CAMTA1: variants seen among roughly 807,000 people sequenced by gnomAD.
CAMTA1 encodes the protein calmodulin binding transcription activator 1.
A neutral mutation model predicts 170.9 loss-of-function variants in CAMTA1; 27 were observed. The observed-to-expected ratio is 0.16, with a 90% CI of 0.12 to 0.22. CAMTA1 has a LOEUF of 0.22. CAMTA1 is among the 10% of genes least tolerant of loss of function. The probability of loss-of-function intolerance (pLI) is 1.00; values close to 1 mark genes in which losing one functional copy is unlikely to be tolerated. For missense variants in CAMTA1, 1,619 were observed against 2,217.2 expected (o/e 0.73, Z 5.42); for synonymous variants, 833 against 891.5 (o/e 0.93, Z 1.17).
intron 6 of CAMTA1, among the ~76,000 whole-genome samples, chr1:7,573,781 CTTG>C (rs1239088079): frequency 2.0e-5 from 3 of 151,976 alleles, no homozygotes; most frequent in African/African-American, 4.8e-5. Flanking sequence ...TGGGTTTGTT[CTTG>C]TTGTTTTGAG....
Position 7,163,668 on chromosome 1 carries a change from G to A in CAMTA1, c.302+72297G>A, listed in dbSNP as rs149736728. ...GGCATTTTGGGAGTCCTAGAGAGATGGGGTCCTTGGGGAATGGCAGGTTTC... is the reference window on the plus strand; with the variant it reads ...GGCATTTTGGGAGTCCTAGAGAGATAGGGTCCTTGGGGAATGGCAGGTTTC... On this transcript the variant is annotated intron_variant, in intron 4 of 22. Coordinates refer to ENST00000303635, the MANE Select transcript of CAMTA1 (RefSeq NM_015215.4). Among the ~76,000 whole-genome samples, 75 of 152,300 alleles carry A rather than the reference G, an allele frequency of 4.9e-4. 2 individuals carry two copies. The highest frequency in any genetic ancestry group is 1.6e-3 in the African/African-American group (66 of 41,578).
chr1:7,368,294 C>T (rs992920398), intron 5 of CAMTA1, among the ~76,000 whole-genome samples: 1 of 136,694 alleles, frequency 7.3e-6, no homozygotes, highest in African/African-American at 2.8e-5. Context: ...GGGCACAGGC[C>T]CTGGGCACTC....
chr1:7,478,063 A>G (rs755974495), intron 6 of CAMTA1, among the ~76,000 whole-genome samples: 1 of 152,240 alleles, frequency 6.6e-6, no homozygotes, highest in Non-Finnish European at 1.5e-5. Flanking sequence ...CTGAATGGGA[A>G]GATGAATTGA....
At chr1:7,005,320 A>C (rs1401413433) in intron 3 of CAMTA1, among the ~76,000 whole-genome samples, 2 of 152,156 alleles carry the variant, frequency 1.3e-5, no homozygotes, top group Non-Finnish European at 2.9e-5. Context: ...GTGGCCATGC[A>C]AAGACTCCTG....
rs1553221696 is a variant in CAMTA1, at chr1:7,024,042, A to AAAAG, written c.235-67242_235-67239dup. Among the ~76,000 whole-genome samples, 34 of 150,364 alleles carry AAAAG rather than the reference A, an allele frequency of 2.3e-4. No homozygotes were observed. In the South Asian group the frequency reaches 3.2e-3, roughly 14 times the overall value. On this transcript the variant is annotated intron_variant, in intron 3 of 22. Coordinates refer to ENST00000303635, the MANE Select transcript of CAMTA1 (RefSeq NM_015215.4). ...AGACTCTGTCTCAAAAAAAAAAAAA[A>AAAAG]AAAGAAAGAAAGAAAGAAAGAAACA...
chr1:7,655,494 C>G (rs1413408013), intron 7 of CAMTA1, among the ~76,000 whole-genome samples: 1 of 145,510 alleles, frequency 6.9e-6, no homozygotes, highest in Non-Finnish European at 1.5e-5. Flanking sequence ...CACACCTATA[C>G]AACACACATA....
At chr1:7,188,260 T>C (rs1448737372) in intron 4 of CAMTA1, among the ~76,000 whole-genome samples, 1 of 152,142 alleles carries the variant, frequency 6.6e-6, no homozygotes, top group Admixed American at 6.5e-5. Flanking sequence ...AGCCTAACCA[T>C]ATCAGGGCCC....
chr1:6,975,885 A>G (rs751979486), intron 3 of CAMTA1, among the ~76,000 whole-genome samples: 1 of 152,162 alleles, frequency 6.6e-6, no homozygotes, highest in Non-Finnish European at 1.5e-5. Context: ...TAGACATTTC[A>G]TGTAAACAGG....
intron 5 of CAMTA1, among the ~76,000 whole-genome samples, chr1:7,366,469 A>C (rs1197388528): frequency 1.3e-5 from 2 of 152,206 alleles, no homozygotes; most frequent in Admixed American, 6.5e-5. Flanking sequence ...GTGAGTGTGC[A>C]TGTGGCTAGA....
At chr1:7,276,366 A>G (rs1351844147) in intron 5 of CAMTA1, among the ~76,000 whole-genome samples, 1 of 138,474 alleles carries the variant, frequency 7.2e-6, no homozygotes, top group Non-Finnish European at 1.5e-5. Flanking sequence ...CTGGAGTGCA[A>G]TGGTGTGACG....
chr1:6,899,554 G>A (rs2202906), intron 3 of CAMTA1, among the ~76,000 whole-genome samples: 13,804 of 140,884 alleles, frequency 0.098, 656 homozygotes, highest in East Asian at 0.14. Flanking sequence ...ACGCGCGCGC[G>A]CACACACACA....
At position 7,251,063 on chromosome 1, in the gene CAMTA1, G is replaced by A. The variant is rs1015084047; in HGVS notation, c.438+1437G>A. On this transcript the variant is annotated intron_variant, in intron 5 of 22. Transcript: ENST00000303635. The surrounding 1 kb of genome is among the most constrained non-coding windows in gnomAD (Gnocchi z 5.1). ...AGGCTGGGTGGGGCCCCCGAACAAC[G>A]AGGCTGCTCGCACCGGGAGTAATAG... Among the ~76,000 whole-genome samples, 2 of 152,210 alleles carry A rather than the reference G, an allele frequency of 1.3e-5. No individual in the cohort carries two copies. The highest frequency in any genetic ancestry group is 4.8e-5 in the African/African-American group (2 of 41,454).
intron 5 of CAMTA1, among the ~76,000 whole-genome samples, chr1:7,332,962 T>C (rs2083126313): frequency 6.6e-6 from 1 of 152,196 alleles, no homozygotes; most frequent in South Asian, 2.1e-4. Context: ...ATGGCCACTC[T>C]GTTGTGGACT....
At chr1:6,924,681 A>G (rs1458518339) in intron 3 of CAMTA1, among the ~76,000 whole-genome samples, 2 of 152,244 alleles carry the variant, frequency 1.3e-5, no homozygotes, top group African/African-American at 4.8e-5. Context: ...TTTACTAAGA[A>G]GCATGTTCCA....
chr1:7,246,361 C>T (rs535318937), intron 4 of CAMTA1, among the ~76,000 whole-genome samples: 3 of 152,242 alleles, frequency 2.0e-5, no homozygotes, highest in Non-Finnish European at 2.9e-5. Flanking sequence ...GATACAGACA[C>T]GCAAGTGGCG....
At chr1:7,228,724 G>A (rs904437952) in intron 4 of CAMTA1, among the ~76,000 whole-genome samples, 1 of 152,214 alleles carries the variant, frequency 6.6e-6, no homozygotes, top group Admixed American at 6.5e-5. Flanking sequence ...AGAGCAGGAG[G>A]CAGTGGCATT....
At chr1:7,200,050 C>T (rs975804837) in intron 4 of CAMTA1, among the ~76,000 whole-genome samples, 23 of 152,134 alleles carry the variant, frequency 1.5e-4, no homozygotes, top group Non-Finnish European at 5.9e-5. Context: ...TTATTTGAAA[C>T]AATTTCAGAA....
intron 6 of CAMTA1, among the ~76,000 whole-genome samples, chr1:7,480,702 C>T (rs906857046): frequency 1.3e-5 from 2 of 152,108 alleles, no homozygotes; most frequent in African/African-American, 4.8e-5. Context: ...CCCTCTTGCT[C>T]AACCCCCCGA....
At chr1:7,390,508 A>G (rs2088579744) in intron 5 of CAMTA1, among the ~76,000 whole-genome samples, 1 of 152,040 alleles carries the variant, frequency 6.6e-6, no homozygotes, top group African/African-American at 2.4e-5. Flanking sequence ...GCTGCTTACT[A>G]CTCCTGAGCC....
Sources: allele counts gnomAD v4.1 joint callset (sites outside exome capture counted in the v4.1 genomes callset), GRCh38; gene constraint gnomAD v4.1.1; non-coding constraint Gnocchi (gnomAD v3.1); transcripts MANE v1.5; gene names NCBI Gene and HGNC (gene_info 2026-07-23, HGNC 2026-07-21).